The following MYO1E variants were observed in gnomAD, a reference collection of about 807,000 sequenced individuals.
MYO1E encodes the protein unconventional myosin-Ie.
A neutral mutation model predicts 151.1 loss-of-function variants in MYO1E; 68 were observed. The ratio of observed to expected loss-of-function variants is 0.45; its 90% CI spans 0.37 to 0.55. The LOEUF is 0.55. Among genes scored for constraint, MYO1E ranks in the 20% least tolerant of loss-of-function variants. The pLI, the probability that MYO1E is intolerant of heterozygous loss-of-function variation, is 0.00. For synonymous variants in MYO1E, 601 were observed against 501.7 expected (o/e 1.20, Z -2.64); for missense variants, 1,363 against 1,389.3 (o/e 0.98, Z 0.30).
At chr15:59,354,476 A>T (rs144219711) in intron 1 of MYO1E, among the ~76,000 whole-genome samples, 51 of 152,236 alleles carry the variant, frequency 3.4e-4, no homozygotes, top group African/African-American at 1.2e-3. Flanking sequence ...CCACTCCCCC[A>T]CAAACGTCAG....
At chr15:59,268,957 C>T (rs1490479879) in intron 2 of MYO1E, among the ~76,000 whole-genome samples, 1 of 151,766 alleles carries the variant, frequency 6.6e-6, no homozygotes, top group Non-Finnish European at 1.5e-5. Context: ...TACCAAAAAA[C>T]CGTATTTCCA....
At chr15:59,297,277 T>TC (rs1302696843) in intron 1 of MYO1E, among the ~76,000 whole-genome samples, 1 of 146,640 alleles carries the variant, frequency 6.8e-6, no homozygotes, top group African/African-American at 2.5e-5. Flanking sequence ...TTGTCAGAAT[T>TC]TTTTTTTTTT....
intron 1 of MYO1E, among the ~76,000 whole-genome samples, chr15:59,349,452 G>A (rs1459335779): frequency 6.6e-6 from 1 of 152,036 alleles, no homozygotes; most frequent in Non-Finnish European, 1.5e-5. Context: ...ATAAAAAAGG[G>A]TAAACTGAAC....
At position 59,224,814 on chromosome 15, in the gene MYO1E, C is replaced by T. The variant is rs1170056721; in HGVS notation, c.652G>A (p.Gly218Ser). The T allele has an allele frequency of 6.2e-7, 1 of 1,614,042 alleles. No homozygotes were observed. Among genetic ancestry groups the T allele is most frequent in the Non-Finnish European group, 8.5e-7 (1 of 1,180,038 alleles). The change falls in exon 8 of 28, where the codon GGC becomes AGC. Residue 218 changes from glycine (G) to serine (S), a missense_variant. Physicochemically the swap from Gly to Ser is moderately conservative, Grantham distance 56 (BLOSUM62 0). Transcript: ENST00000288235. ...SFHIFYQLIE[G>S]ASAEQKHSLG... The stretch of plus-strand genomic sequence containing the variant: ...CTGTGTTTCTGCTCTGCAGAGGCGC[C>T]CTCGATGAGCTGGAGCAAGAGAACA...
chr15:59,209,994 C>A (rs2140340015), intron 13 of MYO1E, among the ~76,000 whole-genome samples: 1 of 151,606 alleles, frequency 6.6e-6, no homozygotes, highest in South Asian at 2.1e-4. Flanking sequence ...GCCACCATGC[C>A]TGGCTAATTT....
chr15:59,334,932 T>C (rs559520777), intron 1 of MYO1E, among the ~76,000 whole-genome samples: 121 of 152,272 alleles, frequency 7.9e-4, no homozygotes, highest in African/African-American at 2.6e-3. Context: ...AGAAACCTCA[T>C]AGAGAATTGC....
At chr15:59,262,930 G>A (rs2080232544) in intron 2 of MYO1E, among the ~76,000 whole-genome samples, 1 of 152,136 alleles carries the variant, frequency 6.6e-6, no homozygotes, top group Admixed American at 6.5e-5. Context: ...CACTGTTTTA[G>A]ATGCTCGGGA....
rs574587425 is a variant in MYO1E at position 59,327,849 on chromosome 15, G to T, written c.3+44649C>A. Among the ~76,000 whole-genome samples, 3 of 152,332 alleles carry T rather than the reference G, an allele frequency of 2.0e-5. No individual in the cohort carries two copies. In the East Asian group the frequency reaches 5.8e-4, roughly 29 times the overall value. ...TTGTACATGAAGGGGCTGAGGGATG[G>T]AGTGAAGTTAAGGAAAGGCCAGGGT... On this transcript the variant is annotated intron_variant, in intron 1 of 27. Coordinates refer to ENST00000288235, the MANE Select transcript of MYO1E (RefSeq NM_004998.4).
intron 2 of MYO1E, among the ~76,000 whole-genome samples, chr15:59,262,607 C>T (rs1197307782): frequency 3.3e-5 from 5 of 152,118 alleles, no homozygotes; most frequent in East Asian, 3.9e-4. Context: ...GCCAAGATCA[C>T]GTCACCGCAT....
rs1471346846 is a variant in MYO1E, at chr15:59,372,547, G to T, written c.-47C>A. 1.3e-6 allele frequency: 2 copies of T among 1,535,112 alleles called. No individual in the cohort carries two copies. Among genetic ancestry groups the T allele is most frequent in the South Asian group, 1.2e-5 (1 of 83,522 alleles). On this transcript the variant is annotated 5_prime_UTR_variant, in exon 1 of 28. Coordinates refer to ENST00000288235, the MANE Select transcript of MYO1E (RefSeq NM_004998.4). ...GTCTTCGCCGGGTCCCGCTGCCGGG[G>T]AACTGGGGCTGGAACGCAGTCTTCT...
intron 4 of MYO1E, among the ~76,000 whole-genome samples, chr15:59,247,757 A>G (rs1247954528): frequency 6.6e-6 from 1 of 152,234 alleles, no homozygotes; most frequent in Non-Finnish European, 1.5e-5. Context: ...GGTGGAGCCT[A>G]CATATCTGTA....
chr15:59,208,725 T>G lies in MYO1E; in HGVS notation c.1486A>C (p.Asn496His), dbSNP rs2079857096. Residue 496 changes from asparagine (N) to histidine (H), a missense_variant, in exon 14 of 28, where the codon AAC becomes CAC. Transcript: ENST00000288235. Reference sequence around the variant, plus strand: ...ATGATGAAGCCTTGGTTCCAACTGTTGAAGTGCTCATGACTCCCAATCTGC... The same window carrying G: ...ATGATGAAGCCTTGGTTCCAACTGTGGAAGTGCTCATGACTCCCAATCTGC... ...QMQIGSHEHF[N>H]SWNQGFIIHH... is the part of the protein sequence containing the mutation. 6.2e-7 allele frequency: 1 copy of G among 1,614,092 alleles called. No individual in the cohort carries two copies. Among genetic ancestry groups the G allele is most frequent in the African/African-American group, 1.3e-5 (1 of 74,924 alleles).
chr15:59,155,745 G>A (rs1218743736), intron 25 of MYO1E, among the ~76,000 whole-genome samples: 3 of 152,142 alleles, frequency 2.0e-5, no homozygotes, highest in African/African-American at 7.2e-5. Flanking sequence ...GCCGGGTCAA[G>A]GCAGGATGGG....
chr15:59,177,160 C>T (rs1027554300), intron 19 of MYO1E, among the ~76,000 whole-genome samples: 2 of 152,136 alleles, frequency 1.3e-5, no homozygotes, highest in African/African-American at 4.8e-5. Flanking sequence ...TGCTTAATGG[C>T]GAATGACACA....
intron 3 of MYO1E, among the ~76,000 whole-genome samples, chr15:59,259,203 A>G (rs1243156460): frequency 1.3e-5 from 2 of 152,226 alleles, no homozygotes; most frequent in Non-Finnish European, 2.9e-5. Context: ...TTGTTCTCAA[A>G]TATCATTGAG....
At chr15:59,225,549 T>A (rs1418611899) in intron 7 of MYO1E, among the ~76,000 whole-genome samples, 10 of 152,280 alleles carry the variant, frequency 6.6e-5, no homozygotes, top group Admixed American at 2.0e-4. Flanking sequence ...CGATCCTACA[T>A]ATCTAGAAAG....
In MYO1E at chr15:59,231,765, G is replaced by C; in HGVS notation, c.447C>G (p.Ser149=). 2 of 1,614,156 alleles carry C rather than the reference G, an allele frequency of 1.2e-6. No individual in the cohort carries two copies. Among genetic ancestry groups the C allele is most frequent in the Non-Finnish European group, 1.7e-6 (2 of 1,180,016 alleles). Residue 149 remains serine, a synonymous_variant, in exon 6 of 28, where the codon TCC becomes TCG. Coordinates refer to ENST00000288235, the MANE Select transcript of MYO1E (RefSeq NM_004998.4). The part of the protein sequence containing the change: ...VQHVKDIILQ[S]NPLLEAFGNA... The stretch of plus-strand genomic sequence containing the variant: ...TCCCGAAGGCCTCCAGCAGCGGGTT[G>C]GACTGCAGGATAATGTCCTTCACGT...
intron 26 of MYO1E, among the ~76,000 whole-genome samples, chr15:59,138,930 T>C (rs1566961865): frequency 2.0e-5 from 3 of 152,110 alleles, no homozygotes; most frequent in Admixed American, 6.5e-5. Flanking sequence ...GCTCAACAAC[T>C]GGATGACGTG....
intron 26 of MYO1E, among the ~76,000 whole-genome samples, chr15:59,151,049 A>ATG (rs1566964868): frequency 4.6e-5 from 6 of 129,648 alleles, no homozygotes; most frequent in Admixed American, 2.2e-4. Context: ...ACACACACAC[A>ATG]CGCGCGCGCG....
Sources: allele counts gnomAD v4.1 joint callset (sites outside exome capture counted in the v4.1 genomes callset), GRCh38; gene constraint gnomAD v4.1.1; transcripts MANE v1.5; gene names NCBI Gene and HGNC (gene_info 2026-07-23, HGNC 2026-07-21).